TPRA1: variants seen among roughly 807,000 people sequenced by gnomAD.
TPRA1 encodes transmembrane protein adipocyte-associated 1.
TPRA1 carries 28 observed loss-of-function variants against 40.1 expected under a neutral mutation model. That is an observed-to-expected ratio of 0.70 (90% confidence interval 0.52 to 0.96). The LOEUF (loss-of-function observed/expected upper bound fraction) is 0.96. Among genes scored for constraint, TPRA1 ranks in the 40% least tolerant of loss-of-function variants. The probability of loss-of-function intolerance (pLI) is 0.00; values close to 1 mark genes in which losing one functional copy is unlikely to be tolerated. For synonymous variants in TPRA1, 219 were observed against 209.7 expected (o/e 1.04, Z -0.38); for missense variants, 441 against 482.6 (o/e 0.91, Z 0.81).
At position 127,572,713 on chromosome 3, in the gene TPRA1, A is replaced by G. The variant is rs2073410747; in HGVS notation, c.*808T>C. 6.6e-6 allele frequency among the ~76,000 whole-genome samples: 1 copy of G among 152,162 alleles called. No individual in the cohort carries two copies. Among genetic ancestry groups the G allele is most frequent in the Non-Finnish European group, 1.5e-5 (1 of 68,024 alleles). On this transcript the variant is annotated 3_prime_UTR_variant, in exon 11 of 11. Transcript: ENST00000355552. ...GCCCTGCAGGATGGGTCTTCTCCGC[A>G]TTTTACAGATGGCAATAGTAAGTCC...
chr3:127,580,001 C>A, intron 2 of TPRA1, 21 bp downstream of exon 2: 1 of 1,612,964 alleles, frequency 6.2e-7, no homozygotes, highest in Non-Finnish European at 8.5e-7. Flanking sequence ...GCGAGCCTGC[C>A]CAGCGTTGTG....
chr3:127,590,631 C>T lies in TPRA1; in HGVS notation c.-239G>A, dbSNP rs2074145680. 1 of 152,208 alleles carries T rather than the reference C, an allele frequency of 6.6e-6. No individual in the cohort carries two copies. Among genetic ancestry groups the T allele is most frequent in the South Asian group, 2.1e-4 (1 of 4,834 alleles). 9.4% of individuals were successfully genotyped at this position (152,208 alleles called of 1,614,324 possible). A position where few individuals can be genotyped will look rare whatever the true frequency, so the allele number is the denominator to read the frequency against. On this transcript the variant is annotated 5_prime_UTR_variant, in exon 1 of 11. Coordinates refer to ENST00000355552, the MANE Select transcript of TPRA1 (RefSeq NM_001136053.4). ...GCGAGGCGGGGTCAGCTCGCCGGGCCGCGGGTCTCGCGGACACCCTGCAGC... is the reference window on the plus strand; with the variant it reads ...GCGAGGCGGGGTCAGCTCGCCGGGCTGCGGGTCTCGCGGACACCCTGCAGC...
At chr3:127,574,846 A>ATG in intron 10 of TPRA1, 1 of 385,348 alleles carries the variant, frequency 2.6e-6, no homozygotes, top group Non-Finnish European at 4.9e-6. Context: ...GCACGTGTTC[A>ATG]TGTGTGTATG....
chr3:127,593,586 A>G (rs2074212900), upstream of TPRA1, among the ~76,000 whole-genome samples: 1 of 152,104 alleles, frequency 6.6e-6, no homozygotes, highest in African/African-American at 2.4e-5. Context: ...CGGCCAAGAG[A>G]GCAAGCACAT....
chr3:127,575,523 T>TGGGTCGTGAGGTCCCACCCTGGACAGGCC lies in TPRA1; in HGVS notation c.671-47_671-19dup. Reference sequence around the variant, plus strand: ...CCTCCGAGCTGGGGGCCGGACAGGGTGGGTCGTGAGGTCCCACCCTGGACA... The same window carrying TGGGTCGTGAGGTCCCACCCTGGACAGGCC: ...CCTCCGAGCTGGGGGCCGGACAGGGTGGGTCGTGAGGTCCCACCCTGGACAGGCCGGGTCGTGAGGTCCCACCCTGGACA... On this transcript the variant is annotated intron_variant, in intron 8 of 10. Coordinates refer to ENST00000355552, the MANE Select transcript of TPRA1 (RefSeq NM_001136053.4). 1.3e-6 allele frequency: 2 copies of TGGGTCGTGAGGTCCCACCCTGGACAGGCC among 1,535,368 alleles called. No homozygotes were observed. Among genetic ancestry groups the TGGGTCGTGAGGTCCCACCCTGGACAGGCC allele is most frequent in the Non-Finnish European group, 1.7e-6 (2 of 1,143,078 alleles).
chr3:127,574,346 C>T (rs1025624818), intron 10 of TPRA1, among the ~76,000 whole-genome samples: 28 of 152,224 alleles, frequency 1.8e-4, no homozygotes, highest in African/African-American at 5.1e-4. Context: ...AGGCTGATCC[C>T]CTCCCCACAA....
upstream of TPRA1, among the ~76,000 whole-genome samples, chr3:127,592,602 G>C (rs1472985633): frequency 6.6e-6 from 1 of 151,232 alleles, no homozygotes; most frequent in Non-Finnish European, 1.5e-5. Flanking sequence ...AGCCAGGATG[G>C]TCTCGATCTC....
chr3:127,594,239 T>C (rs542271456), upstream of TPRA1, among the ~76,000 whole-genome samples: 6 of 152,314 alleles, frequency 3.9e-5, no homozygotes, highest in South Asian at 1.2e-3. Flanking sequence ...GAGGCCTCTT[T>C]GGGTTCTGGA....
intron 10 of TPRA1, 196 bp downstream of exon 10, chr3:127,574,989 T>C: frequency 1.6e-6 from 1 of 625,690 alleles, no homozygotes; most frequent in Non-Finnish European, 2.8e-6. Context: ...TCCATGCACA[T>C]GTGGGTGGGT....
intron 1 of TPRA1, among the ~76,000 whole-genome samples, chr3:127,585,280 T>C (rs951391726): frequency 1.3e-5 from 2 of 152,068 alleles, no homozygotes; most frequent in African/African-American, 4.8e-5. Context: ...GATGCACAAG[T>C]CCAGAGGTAG....
intron 1 of TPRA1, among the ~76,000 whole-genome samples, chr3:127,580,741 A>G (rs1443357305): frequency 1.3e-5 from 2 of 152,350 alleles, no homozygotes; most frequent in South Asian, 4.1e-4. Context: ...GCTGAGCACC[A>G]TGCCCTCCTC....
chr3:127,594,172 G>T (rs1198203125), upstream of TPRA1, among the ~76,000 whole-genome samples: 1 of 152,196 alleles, frequency 6.6e-6, no homozygotes, highest in Non-Finnish European at 1.5e-5. Flanking sequence ...GGTGGTGTGG[G>T]GCACACCAGA....
At position 127,572,830 on chromosome 3, in the gene TPRA1, C is replaced by CA. The variant is rs1397620766; in HGVS notation, c.*690dup. Among the ~76,000 whole-genome samples, 5 of 152,202 alleles carry CA rather than the reference C, an allele frequency of 3.3e-5. No individual in the cohort carries two copies. Among genetic ancestry groups the CA allele is most frequent in the African/African-American group, 1.2e-4 (5 of 41,460 alleles). On this transcript the variant is annotated 3_prime_UTR_variant, in exon 11 of 11. Transcript: ENST00000355552. The stretch of plus-strand genomic sequence containing the variant: ...AAGGGAGAGGGGCTGGCTCACAAAA[C>CA]ATAGTTCTCCTCTCTCTCCATGTCT...
intron 1 of TPRA1, among the ~76,000 whole-genome samples, chr3:127,585,044 C>G (rs944215380): frequency 3.3e-5 from 5 of 152,278 alleles, no homozygotes; most frequent in African/African-American, 1.2e-4. Flanking sequence ...CGTGCATGTA[C>G]TGGACAGCTT....
chr3:127,579,966 C>A, intron 2 of TPRA1, 56 bp downstream of exon 2: 5 of 1,610,358 alleles, frequency 3.1e-6, no homozygotes, highest in Non-Finnish European at 4.2e-6. Flanking sequence ...CACCCCCCTA[C>A]ACCAGGAAAA....
intron 1 of TPRA1, 110 bp downstream of exon 1, chr3:127,590,300 G>A (rs2107670829): frequency 6.6e-6 from 1 of 152,370 alleles, no homozygotes; most frequent in East Asian, 1.9e-4. Flanking sequence ...GAGCGGAAAT[G>A]GGCCGCTCGC....
chr3:127,582,259 A>C (rs550564847), intron 1 of TPRA1, among the ~76,000 whole-genome samples: 1 of 152,296 alleles, frequency 6.6e-6, no homozygotes, highest in South Asian at 2.1e-4. Flanking sequence ...CTCTGGGATC[A>C]AGTCCCCATC....
intron 1 of TPRA1, 155 bp from the exon 2 acceptor site, chr3:127,580,318 C>T (rs2073792345): frequency 1.2e-6 from 1 of 825,036 alleles, no homozygotes. Flanking sequence ...TGGGGCTCCA[C>T]ACAGGTCACG....
intron 1 of TPRA1, chr3:127,588,155 C>T (rs958706386): frequency 1.3e-5 from 2 of 152,350 alleles, no homozygotes; most frequent in African/African-American, 4.8e-5. Flanking sequence ...GCCTCGGCTT[C>T]TCCACCTGTG....
Sources: allele counts gnomAD v4.1 joint callset (sites outside exome capture counted in the v4.1 genomes callset), GRCh38; gene constraint gnomAD v4.1.1; transcripts MANE v1.5; gene names NCBI Gene and HGNC (gene_info 2026-07-23, HGNC 2026-07-21).